SYN3: variants seen among roughly 807,000 people sequenced by gnomAD.
SYN3 encodes the protein synapsin-3.
Under a neutral mutation model 65.8 loss-of-function variants are expected in SYN3, and 35 were observed. The observed-to-expected ratio is 0.53, with a 90% confidence interval of 0.41 to 0.70. The LOEUF is 0.70. SYN3 is among the 30% of genes least tolerant of loss of function. The pLI, the probability that SYN3 is intolerant of heterozygous loss-of-function variation, is 0.00. For synonymous variants in SYN3, 270 were observed against 292.9 expected, an observed-to-expected ratio of 0.92 and a Z score of 0.80; for missense variants, 680 against 749.0, an observed-to-expected ratio of 0.91 and a Z score of 1.08.
intron 3 of SYN3, among the ~76,000 whole-genome samples, chr22:32,937,159 G>A (rs2146729852): frequency 1.3e-5 from 2 of 152,120 alleles, no homozygotes; most frequent in South Asian, 4.2e-4. Flanking sequence ...AAACAGACGT[G>A]GAAATGGAGA....
intron 6 of SYN3, among the ~76,000 whole-genome samples, chr22:32,632,430 C>T (rs1373604756): frequency 1.2e-5 from 1 of 82,200 alleles, no homozygotes; most frequent in Non-Finnish European, 2.3e-5. Context: ...GATCCACAAA[C>T]AAGACATGTT....
chr22:32,614,809 C>G (rs1344889007), intron 6 of SYN3, among the ~76,000 whole-genome samples: 1 of 152,168 alleles, frequency 6.6e-6, no homozygotes, highest in Non-Finnish European at 1.5e-5. Flanking sequence ...CCTTAAAACT[C>G]AAGAGCGGGG....
At chr22:32,898,627 A>G (rs2049666400) in intron 4 of SYN3, among the ~76,000 whole-genome samples, 2 of 152,262 alleles carry the variant, frequency 1.3e-5, no homozygotes, top group Admixed American at 6.5e-5. Flanking sequence ...AAACAAAGAT[A>G]GCCAGTCTGA....
At chr22:32,528,589 C>T (rs1463847781) in intron 11 of SYN3, among the ~76,000 whole-genome samples, 1 of 152,234 alleles carries the variant, frequency 6.6e-6, no homozygotes, top group Non-Finnish European at 1.5e-5. Context: ...GAAGGGACAG[C>T]AGTCGATCAT....
rs1018104033 is a variant in SYN3 at position 32,513,029 on chromosome 22, CCT to C, written c.*661_*662del. 6.6e-6 allele frequency: 1 copy of C among 152,080 alleles called. No homozygotes were observed. The allele number at this position is 152,080 out of a possible 1,614,324, so 9.4% of individuals were successfully genotyped here. A position where few individuals can be genotyped will look rare whatever the true frequency, so the allele number is the denominator to read the frequency against. ...GTATGAGTGGCATTACAAGGGCCCC[CCT>C]GTTTCTGTCGTGTTCTGAAAGACCC... On this transcript the variant is annotated 3_prime_UTR_variant, in exon 14 of 14. Coordinates refer to ENST00000358763, the MANE Select transcript of SYN3 (RefSeq NM_003490.4).
At chr22:32,987,424 T>C (rs1229758386) in intron 2 of SYN3, among the ~76,000 whole-genome samples, 4 of 152,188 alleles carry the variant, frequency 2.6e-5, no homozygotes, top group Admixed American at 1.3e-4. Flanking sequence ...GATCTGATTC[T>C]AGCTCCATTG....
At chr22:32,765,034 CTG>C (rs2045588002) in intron 6 of SYN3, among the ~76,000 whole-genome samples, 2 of 151,790 alleles carry the variant, frequency 1.3e-5, no homozygotes, top group Non-Finnish European at 2.9e-5. Flanking sequence ...CCCCACCCCA[CTG>C]TCCAGTTTCC....
At chr22:32,687,464 G>T (rs1817908052) in intron 6 of SYN3, among the ~76,000 whole-genome samples, 1 of 151,956 alleles carries the variant, frequency 6.6e-6, no homozygotes, top group Non-Finnish European at 1.5e-5. Flanking sequence ...CGCCCGGCCG[G>T]TCTCCCTTTT....
chr22:32,768,552 C>T (rs917193899), intron 6 of SYN3, among the ~76,000 whole-genome samples: 3 of 152,182 alleles, frequency 2.0e-5, no homozygotes, highest in Non-Finnish European at 2.9e-5. Flanking sequence ...CAACTGCTTC[C>T]TGGATATCTA....
At chr22:32,783,626 C>A (rs2046125056) in intron 6 of SYN3, among the ~76,000 whole-genome samples, 1 of 152,170 alleles carries the variant, frequency 6.6e-6, no homozygotes, top group Non-Finnish European at 1.5e-5. Flanking sequence ...TGCGCCGTCT[C>A]TGAAATACAG....
chr22:32,791,781 G>C (rs9621568), intron 6 of SYN3, among the ~76,000 whole-genome samples: 22,505 of 151,670 alleles, frequency 0.15, 1,973 homozygotes, highest in African/African-American at 0.26. Flanking sequence ...CATGGCTTTT[G>C]CTATAAGAAC....
chr22:32,649,723 G>A (rs2060034396), intron 6 of SYN3, among the ~76,000 whole-genome samples: 1 of 152,206 alleles, frequency 6.6e-6, no homozygotes, highest in Non-Finnish European at 1.5e-5. Flanking sequence ...AACACAGGAT[G>A]ACTCAGGCAG....
chr22:33,025,926 C>T (rs986567672), intron 1 of SYN3, among the ~76,000 whole-genome samples: 3 of 152,086 alleles, frequency 2.0e-5, no homozygotes, highest in African/African-American at 7.2e-5. Flanking sequence ...AGTTTTGAAC[C>T]ATGAGCCAAA....
chr22:32,541,031 A>G (rs1569020022), intron 8 of SYN3, among the ~76,000 whole-genome samples: 2 of 152,170 alleles, frequency 1.3e-5, no homozygotes, highest in African/African-American at 4.8e-5. Context: ...CTGATAACCC[A>G]TGGTTTTCTA....
chr22:32,673,231 G>A (rs2060396047), intron 6 of SYN3, among the ~76,000 whole-genome samples: 1 of 152,224 alleles, frequency 6.6e-6, no homozygotes, highest in African/African-American at 2.4e-5. Flanking sequence ...CTATGGAGCT[G>A]TGGGGAAGAG....
At chr22:33,031,421 C>T (rs894365418) in intron 1 of SYN3, among the ~76,000 whole-genome samples, 6 of 152,106 alleles carry the variant, frequency 3.9e-5, no homozygotes, top group African/African-American at 1.4e-4. Context: ...TTTAAAACAG[C>T]CCCGGAATCC....
At chr22:32,934,306 A>C (rs1318032039) in intron 3 of SYN3, among the ~76,000 whole-genome samples, 2 of 152,206 alleles carry the variant, frequency 1.3e-5, no homozygotes, top group Non-Finnish European at 2.9e-5. Flanking sequence ...CAAGGACCCA[A>C]GGGCTGTCTC....
chr22:32,790,658 A>G (rs927014201), intron 6 of SYN3, among the ~76,000 whole-genome samples: 4 of 152,112 alleles, frequency 2.6e-5, no homozygotes, highest in Non-Finnish European at 5.9e-5. Flanking sequence ...AACTCCTGGC[A>G]TCAAGTGATT....
At chr22:32,738,041 T>C (rs752453924) in intron 6 of SYN3, among the ~76,000 whole-genome samples, 4 of 152,170 alleles carry the variant, frequency 2.6e-5, no homozygotes, top group African/African-American at 4.8e-5. Flanking sequence ...AGCAACTAAT[T>C]ATCAATTATC....
Sources: allele counts gnomAD v4.1 joint callset (sites outside exome capture counted in the v4.1 genomes callset), GRCh38; gene constraint gnomAD v4.1.1; transcripts MANE v1.5; gene names NCBI Gene and HGNC (gene_info 2026-07-23, HGNC 2026-07-21).